S100A5: variants seen among roughly 807,000 people sequenced by gnomAD.
S100A5 encodes the protein protein S100-A5.
A neutral mutation model predicts 6.7 loss-of-function variants in S100A5; 5 were observed. That is an observed-to-expected ratio of 0.75 (90% CI 0.39 to 1.57). The LOEUF is 1.57. Among genes scored for constraint, S100A5 ranks in the 40% most tolerant of loss-of-function variants. The probability of loss-of-function intolerance (pLI) is 0.03; values close to 1 mark genes in which losing one functional copy is unlikely to be tolerated. For missense variants in S100A5, 129 were observed against 110.8 expected, an observed-to-expected ratio of 1.16 and a Z score of -0.74; for synonymous variants, 49 against 44.9, an observed-to-expected ratio of 1.09 and a Z score of -0.37.
chr1:153,539,777 G>T (rs1489510623), intron 2 of S100A5, among the ~76,000 whole-genome samples: 1 of 151,978 alleles, frequency 6.6e-6, no homozygotes, highest in Non-Finnish European at 1.5e-5. Context: ...TGCCACTGCT[G>T]GGAGAGCCTG....
intron 2 of S100A5, among the ~76,000 whole-genome samples, chr1:153,538,848 A>G (rs1665275960): frequency 6.6e-6 from 1 of 152,164 alleles, no homozygotes; most frequent in Admixed American, 6.5e-5. Context: ...AAATAATAAG[A>G]CTAGGCACAG....
intron 2 of S100A5, among the ~76,000 whole-genome samples, chr1:153,537,666 A>G (rs1194478106): frequency 6.6e-6 from 1 of 152,210 alleles, no homozygotes; most frequent in Non-Finnish European, 1.5e-5. Flanking sequence ...AAATGACAGC[A>G]GGAATGCTAG....
Position 153,539,457 on chromosome 1 carries a change from A to AT in S100A5, c.138+596dup, listed in dbSNP as rs1357407416. ...AAAAAAAAAAAAAAAAAAAATATAT[A>AT]TATATATATATATATATATTTATTT... On this transcript the variant is annotated intron_variant, in intron 2 of 2. Coordinates refer to ENST00000368717, the MANE Select transcript of S100A5 (RefSeq NM_001394232.1). Among the ~76,000 whole-genome samples, 4 of 115,950 alleles carry AT rather than the reference A, an allele frequency of 3.4e-5. 1 individual carries two copies. Among genetic ancestry groups the AT allele is most frequent in the Non-Finnish European group, 6.5e-5 (4 of 61,330 alleles). 76.1% of individuals were successfully genotyped at this position (115,950 alleles called of 152,430 possible).
At chr1:153,540,998 C>A (rs145110946), upstream of S100A5, among the ~76,000 whole-genome samples, 1 of 152,188 alleles carries the variant, frequency 6.6e-6, no homozygotes, top group East Asian at 1.9e-4. Context: ...GCAACACCCA[C>A]GGAACTTGAA....
chr1:153,538,183 G>C (rs1434364389), intron 2 of S100A5, among the ~76,000 whole-genome samples: 7 of 152,184 alleles, frequency 4.6e-5, no homozygotes, highest in African/African-American at 1.7e-4. Context: ...CAGTGCACTG[G>C]GGCTGTGAAG....
At chr1:153,537,587 C>A in intron 2 of S100A5, 151 bp from the exon 3 acceptor site, 2 of 941,544 alleles carry the variant, frequency 2.1e-6, no homozygotes, top group Admixed American at 4.3e-5. Flanking sequence ...AGAGTCTGCC[C>A]ACTGCCCACA....
upstream of S100A5, chr1:153,543,684 TG>T: frequency 7.1e-7 from 1 of 1,404,222 alleles, no homozygotes; most frequent in Non-Finnish European, 9.9e-7. Flanking sequence ...GGAGCCAGGG[TG>T]GAAAAAAAAA....
At chr1:153,539,667 C>T (rs1401702003) in intron 2 of S100A5, among the ~76,000 whole-genome samples, 2 of 151,570 alleles carry the variant, frequency 1.3e-5, no homozygotes, top group African/African-American at 4.9e-5. Flanking sequence ...ATGCTGTGCA[C>T]ACAGAGAAGA....
At chr1:153,538,725 C>G (rs1415791455) in intron 2 of S100A5, among the ~76,000 whole-genome samples, 4 of 152,222 alleles carry the variant, frequency 2.6e-5, no homozygotes, top group Admixed American at 2.6e-4. Flanking sequence ...TTAAAGGAAA[C>G]AGGGAGGATG....
upstream of S100A5, chr1:153,541,386 A>G (rs774979811): frequency 7.3e-7 from 1 of 1,367,622 alleles, no homozygotes; most frequent in East Asian, 4.6e-5. Flanking sequence ...AGGACTTACC[A>G]CTGTGGGAGT....
upstream of S100A5, chr1:153,541,470 C>T: frequency 2.2e-6 from 3 of 1,367,224 alleles, no homozygotes; most frequent in South Asian, 1.1e-5. Context: ...TGATCTCTGT[C>T]CCTAGGAATC....
chr1:153,537,506 T>C (rs1395468713), intron 2 of S100A5, 70 bp from the exon 3 acceptor site: 2 of 1,577,764 alleles, frequency 1.3e-6, no homozygotes, highest in African/African-American at 1.3e-5. Context: ...CACTGCATGG[T>C]GTCATCCCCA....
At chr1:153,539,424 CAAAAAAAAAAAA>C (rs149327889) in intron 2 of S100A5, among the ~76,000 whole-genome samples, 11 of 35,140 alleles carry the variant, frequency 3.1e-4, no homozygotes, top group African/African-American at 1.3e-3. Flanking sequence ...GAGACTCTCT[CAAAAAAAAAAAA>C]AAAAAAAAAA....
upstream of S100A5, among the ~76,000 whole-genome samples, chr1:153,541,150 T>C (rs1343989546): frequency 6.6e-6 from 1 of 152,172 alleles, no homozygotes; most frequent in East Asian, 1.9e-4. Flanking sequence ...GGACCACAGT[T>C]GAAGGCAAGG....
Position 153,539,475 on chromosome 1 carries a change from ATT to A in S100A5, c.138+577_138+578del, listed in dbSNP as rs35650985. ...AATATATATATATATATATATATAT[ATT>A]TATTTATTTATTTATCCTCGGGGAT... On this transcript the variant is annotated intron_variant, in intron 2 of 2. Coordinates refer to ENST00000368717, the MANE Select transcript of S100A5 (RefSeq NM_001394232.1). Among the ~76,000 whole-genome samples, 470 of 115,910 alleles carry A rather than the reference ATT, an allele frequency of 4.1e-3. 2 individuals are homozygous for A. The highest frequency in any genetic ancestry group is 9.3e-3 in the Middle Eastern group (2 of 216). The allele number at this position is 115,910 out of a possible 152,430, so 76.0% of individuals were successfully genotyped here. A position where few individuals can be genotyped will look rare whatever the true frequency, so the allele number is the denominator to read the frequency against.
intron 1 of S100A5, 137 bp from the exon 2 acceptor site, chr1:153,540,342 A>G (rs1375595864): frequency 2.5e-6 from 2 of 811,604 alleles, no homozygotes; most frequent in South Asian, 1.8e-5. Flanking sequence ...AAGAGCGCCC[A>G]TCTATATCAG....
upstream of S100A5, among the ~76,000 whole-genome samples, chr1:153,543,028 G>A (rs11486136): frequency 0.053 from 8,119 of 152,042 alleles, 729 homozygotes; most frequent in African/African-American, 0.18. Flanking sequence ...GCAAACAGCG[G>A]GTCTCCCTCC....
Position 153,540,847 on chromosome 1 carries a change from AT to A in S100A5, c.-242del, listed in dbSNP as rs1557890039. Among the ~76,000 whole-genome samples, 1 of 152,158 alleles carries A rather than the reference AT, an allele frequency of 6.6e-6. No individual in the cohort carries two copies. The highest frequency in any genetic ancestry group is 1.5e-5 in the Non-Finnish European group (1 of 68,028). The stretch of plus-strand genomic sequence containing the variant: ...GGGGCCTCTTGAAATCTCCAGGATC[AT>A]TCCAAAACCTGGATCCAGAGGCTAC... On this transcript the variant is annotated 5_prime_UTR_variant, in exon 1 of 3. It adds an upstream start codon to the 5' untranslated region. Coordinates refer to ENST00000368717, the MANE Select transcript of S100A5 (RefSeq NM_001394232.1).
intron 2 of S100A5, among the ~76,000 whole-genome samples, chr1:153,538,820 GA>G (rs1332233429): frequency 8.5e-5 from 13 of 152,132 alleles, no homozygotes; most frequent in Admixed American, 8.5e-4. Context: ...TTTGAGCATT[GA>G]TTTTTTTTAA....
Sources: allele counts gnomAD v4.1 joint callset (sites outside exome capture counted in the v4.1 genomes callset), GRCh38; gene constraint gnomAD v4.1.1; transcripts MANE v1.5; gene names NCBI Gene and HGNC (gene_info 2026-07-23, HGNC 2026-07-21).